Variants in RAB27B observed in about 807,000 individuals in gnomAD.
The protein encoded by RAB27B is RAB27B, member RAS oncogene family, also known as ras-related protein Rab-27B.
RAB27B carries 15 observed loss-of-function variants against 24.6 expected under a neutral mutation model. The observed-to-expected ratio is 0.61, with a 90% confidence interval of 0.41 to 0.94. RAB27B has a LOEUF of 0.94. RAB27B is among the 40% of genes least tolerant of loss of function. RAB27B has a pLI of 0.00. For missense variants in RAB27B, 261 were observed against 266.8 expected, an observed-to-expected ratio of 0.98 and a Z score of 0.15; for synonymous variants, 105 against 92.5, an observed-to-expected ratio of 1.14 and a Z score of -0.78.
At chr18:54,872,268 A>G (rs1383910143) in intron 1 of RAB27B, among the ~76,000 whole-genome samples, 1 of 152,172 alleles carries the variant, frequency 6.6e-6, no homozygotes, top group Non-Finnish European at 1.5e-5. Context: ...GTTTGAAACT[A>G]TTCCTCTGAA....
intron 1 of RAB27B, among the ~76,000 whole-genome samples, chr18:54,851,579 C>T (rs560581273): frequency 2.4e-4 from 37 of 152,286 alleles, no homozygotes; most frequent in African/African-American, 8.7e-4. Flanking sequence ...ATTGGTGTTT[C>T]ATCTGAAATT....
In RAB27B at chr18:54,879,455, G is replaced by A. The variant is rs1386819845; in HGVS notation, c.239+1G>A. 6.2e-7 allele frequency: 1 copy of A among 1,607,708 alleles called. No homozygotes were observed. The highest frequency in any genetic ancestry group is 8.5e-7 in the Non-Finnish European group (1 of 1,174,288). ...TTTGGGACACTGCGGGACAAGAGCGGTAATAGTAAATTGCTTTATTTGTGG... is the reference window on the plus strand; with the variant it reads ...TTTGGGACACTGCGGGACAAGAGCGATAATAGTAAATTGCTTTATTTGTGG... On this transcript the variant is annotated splice_donor_variant, in intron 3 of 5. Transcript: ENST00000262094. LOFTEE classifies it high-confidence loss of function.
Position 54,884,310 on chromosome 18 carries a change from T to C in RAB27B, c.240-23T>C, listed in dbSNP as rs187260115. The C allele has an allele frequency of 1.0e-3, 1,510 of 1,446,784 alleles. 28 individuals are homozygous for C. In the South Asian group the frequency reaches 0.015, roughly 14 times the overall value. 89.6% of individuals were successfully genotyped at this position (1,446,784 alleles called of 1,614,324 possible). On this transcript the variant is annotated intron_variant, in intron 3 of 5. Coordinates refer to ENST00000262094, the MANE Select transcript of RAB27B (RefSeq NM_004163.4). ...AGATATGTGGACTAACTTTCAGAAC[T>C]ACCCACTGTGTTTCCTTGGCAGGTT... is the stretch of plus-strand genomic sequence containing the variant.
At chr18:54,831,378 G>A (rs1002141104) in intron 1 of RAB27B, among the ~76,000 whole-genome samples, 1 of 152,076 alleles carries the variant, frequency 6.6e-6, no homozygotes, top group Non-Finnish European at 1.5e-5. Context: ...AAGAAATGGG[G>A]GAGAGGAGAT....
intron 1 of RAB27B, among the ~76,000 whole-genome samples, chr18:54,835,721 A>G (rs1910868602): frequency 6.6e-6 from 1 of 152,080 alleles, no homozygotes; most frequent in African/African-American, 2.4e-5. Context: ...TGAAGCCTGC[A>G]TAGCAGTAAT....
intron 2 of RAB27B, among the ~76,000 whole-genome samples, chr18:54,738,448 T>C (rs1159618905): frequency 1.3e-5 from 2 of 152,098 alleles, no homozygotes; most frequent in African/African-American, 4.8e-5. Flanking sequence ...CTGATGGTTT[T>C]TTAAGTGGCG....
intron 2 of RAB27B, among the ~76,000 whole-genome samples, chr18:54,808,137 T>C (rs1022521758): frequency 2.0e-5 from 3 of 152,250 alleles, no homozygotes; most frequent in African/African-American, 7.2e-5. Context: ...CATTGTTTAC[T>C]GCTTAAGATT....
chr18:54,733,022 A>T (rs1909773451), intron 2 of RAB27B, among the ~76,000 whole-genome samples: 1 of 151,830 alleles, frequency 6.6e-6, no homozygotes, highest in African/African-American at 2.4e-5. Flanking sequence ...TCAACTCATC[A>T]CCTGTTTTGT....
chr18:54,752,149 ATGG>A (rs1230199234), intron 2 of RAB27B, among the ~76,000 whole-genome samples: 1 of 152,202 alleles, frequency 6.6e-6, no homozygotes, highest in Non-Finnish European at 1.5e-5. Flanking sequence ...AGTGGTGAAC[ATGG>A]TGGTGAGCTC....
intron 2 of RAB27B, among the ~76,000 whole-genome samples, chr18:54,754,923 A>G (rs1310127463): frequency 6.6e-6 from 1 of 152,162 alleles, no homozygotes; most frequent in African/African-American, 2.4e-5. Flanking sequence ...TTGATTTTAA[A>G]ATGGTGTCAA....
intron 1 of RAB27B, among the ~76,000 whole-genome samples, chr18:54,875,715 A>T (rs1568110681): frequency 6.6e-6 from 1 of 152,200 alleles, no homozygotes; most frequent in Non-Finnish European, 1.5e-5. Flanking sequence ...TACATTCATA[A>T]TAAAGTATAA....
chr18:54,828,036 G>A (rs1382093397), upstream of RAB27B, among the ~76,000 whole-genome samples: 2 of 152,080 alleles, frequency 1.3e-5, no homozygotes, highest in Admixed American at 6.5e-5. Context: ...GCATTCATAC[G>A]AACACATCCT....
At chr18:54,871,944 A>T (rs1246184412) in intron 1 of RAB27B, among the ~76,000 whole-genome samples, 1 of 152,116 alleles carries the variant, frequency 6.6e-6, no homozygotes, top group Non-Finnish European at 1.5e-5. Flanking sequence ...CATTCTTGAG[A>T]CTTATCCAGT....
At chr18:54,755,461 C>T (rs1004652911) in intron 2 of RAB27B, among the ~76,000 whole-genome samples, 2 of 152,112 alleles carry the variant, frequency 1.3e-5, no homozygotes, top group South Asian at 4.1e-4. Flanking sequence ...AAAATAGTTT[C>T]TCTGTGGCAT....
chr18:54,877,502 T>G lies in RAB27B; in HGVS notation c.-19-65T>G, dbSNP rs143223505. 9 of 1,219,718 alleles carry G rather than the reference T, an allele frequency of 7.4e-6. No individual in the cohort carries two copies. The African/African-American group carries it at 1.1e-4, about 15-fold the overall frequency. The allele number at this position is 1,219,718 out of a possible 1,614,324, so 75.6% of individuals were successfully genotyped here. A position where few individuals can be genotyped will look rare whatever the true frequency, so the allele number is the denominator to read the frequency against. On this transcript the variant is annotated intron_variant, in intron 1 of 5. Transcript: ENST00000262094. ...CCTGAAAATTAAATTTATGTCATAT[T>G]TTGATATAAAGCAAAGGAAAATCAA... is the stretch of plus-strand genomic sequence containing the variant.
chr18:54,880,697 T>G (rs934311395), intron 3 of RAB27B: 28 of 152,150 alleles, frequency 1.8e-4, no homozygotes, highest in Admixed American at 1.6e-3. Flanking sequence ...CAGAGCACTT[T>G]AATTCATTTT....
At chr18:54,824,446 A>G (rs997755859), upstream of RAB27B, among the ~76,000 whole-genome samples, 9 of 152,196 alleles carry the variant, frequency 5.9e-5, no homozygotes, top group African/African-American at 1.9e-4. Context: ...TGGTAGTCCA[A>G]TGTGTGGCAG....
chr18:54,859,740 A>T lies in RAB27B; in HGVS notation c.-19-17827A>T, dbSNP rs115983462. Among the ~76,000 whole-genome samples, 1,199 of 152,374 alleles carry T rather than the reference A, an allele frequency of 7.9e-3. 9 individuals are homozygous for T. The highest frequency in any genetic ancestry group is 0.027 in the African/African-American group (1,111 of 41,586). ...AAACTCGACAAAGACAAAATTATAA[A>T]TGTTTTATATCGGAAAACACTAGGT... On this transcript the variant is annotated intron_variant, in intron 1 of 5. Transcript: ENST00000262094.
intron 1 of RAB27B, among the ~76,000 whole-genome samples, chr18:54,871,265 G>A (rs546449685): frequency 1.3e-5 from 2 of 152,146 alleles, no homozygotes; most frequent in African/African-American, 2.4e-5. Context: ...TTGGTAGTCT[G>A]CAGGTCCTTA....
Sources: gnomAD v4.1 joint callset for allele counts (sites outside exome capture counted in the v4.1 genomes callset) on GRCh38, gnomAD v4.1.1 for gene constraint, MANE v1.5 for transcripts, NCBI Gene and HGNC (gene_info 2026-07-23, HGNC 2026-07-21) for gene names.